The following SPTBN1 variants were observed in gnomAD, a reference collection of about 807,000 sequenced individuals.
The protein encoded by SPTBN1 is spectrin beta, non-erythrocytic 1.
A neutral mutation model predicts 266.4 loss-of-function variants in SPTBN1; 32 were observed. The ratio of observed to expected loss-of-function variants is 0.12; its 90% confidence interval spans 0.09 to 0.16. SPTBN1 has a LOEUF of 0.16. Ranked by LOEUF, SPTBN1 falls within the 10% of genes least tolerant of loss-of-function variation. The pLI is 1.00. For missense variants in SPTBN1, 2,296 were observed against 3,067.1 expected, an observed-to-expected ratio of 0.75 and a Z score of 5.94; for synonymous variants, 1,336 against 1,162.2, an observed-to-expected ratio of 1.15 and a Z score of -3.04.
chr2:54,595,963 A>G (rs1162260624), intron 2 of SPTBN1, among the ~76,000 whole-genome samples: 1 of 151,912 alleles, frequency 6.6e-6, no homozygotes, highest in East Asian at 1.9e-4. Context: ...TTGGGTCTAA[A>G]TAACCAAACC....
At chr2:54,557,254 G>A (rs1391607366) in intron 2 of SPTBN1, among the ~76,000 whole-genome samples, 1 of 152,134 alleles carries the variant, frequency 6.6e-6, no homozygotes, top group Non-Finnish European at 1.5e-5. Context: ...TGAACCTGGG[G>A]TGGGGGACCA....
intron 3 of SPTBN1, among the ~76,000 whole-genome samples, chr2:54,606,007 C>A (rs1002627061): frequency 6.6e-6 from 1 of 152,146 alleles, no homozygotes; most frequent in Non-Finnish European, 1.5e-5. Context: ...ACACCCTGGA[C>A]CCCATGTTCA....
At chr2:54,573,309 G>C (rs998792090) in intron 2 of SPTBN1, among the ~76,000 whole-genome samples, 1 of 152,190 alleles carries the variant, frequency 6.6e-6, no homozygotes, top group Non-Finnish European at 1.5e-5. Flanking sequence ...GTTTCGTGAT[G>C]AAACTCTTCC....
At chr2:54,535,811 T>G (rs541096180) in intron 2 of SPTBN1, among the ~76,000 whole-genome samples, 1 of 152,278 alleles carries the variant, frequency 6.6e-6, no homozygotes, top group African/African-American at 2.4e-5. Context: ...CAGGAGTTCA[T>G]GACCAGCCTG....
At chr2:54,559,953 A>C (rs1673173312) in intron 2 of SPTBN1, among the ~76,000 whole-genome samples, 1 of 152,158 alleles carries the variant, frequency 6.6e-6, no homozygotes, top group Admixed American at 6.5e-5. Flanking sequence ...CTTGTGAAAT[A>C]GTTGACAGTA....
Position 54,667,765 on chromosome 2 carries a change from T to C in SPTBN1, c.6876+119T>C, listed in dbSNP as rs192150208. Reference sequence around the variant, plus strand: ...GATGATCAGTGATGGTTTCTATCACTGGGCTCCAGTCACCAGCACTAGAAG... The same window carrying C: ...GATGATCAGTGATGGTTTCTATCACCGGGCTCCAGTCACCAGCACTAGAAG... On this transcript the variant is annotated intron_variant, in intron 35 of 35. Coordinates refer to ENST00000356805, the MANE Select transcript of SPTBN1 (RefSeq NM_003128.3). 4.7e-4 allele frequency: 414 copies of C among 886,914 alleles called. No individual in the cohort carries two copies. In the African/African-American group the frequency reaches 6.4e-3, roughly 14 times the overall value. The allele number at this position is 886,914 out of a possible 1,614,324, so 54.9% of individuals were successfully genotyped here.
At chr2:54,643,829 C>T (rs1013877957) in intron 19 of SPTBN1, among the ~76,000 whole-genome samples, 2 of 152,022 alleles carry the variant, frequency 1.3e-5, no homozygotes, top group Non-Finnish European at 1.5e-5. Flanking sequence ...ATGAAGCATA[C>T]AAAAATAGCC....
At chr2:54,518,507 C>A (rs887086238) in intron 1 of SPTBN1, among the ~76,000 whole-genome samples, 2 of 148,716 alleles carry the variant, frequency 1.3e-5, no homozygotes, top group African/African-American at 2.5e-5. Flanking sequence ...TTTTTGGCAA[C>A]TGAACAGTTG....
chr2:54,645,004 A>T lies in SPTBN1; in HGVS notation c.4270-225A>T, dbSNP rs1026858483. On this transcript the variant is annotated intron_variant, in intron 20 of 35. Coordinates refer to ENST00000356805, the MANE Select transcript of SPTBN1 (RefSeq NM_003128.3). This position sits in a 1 kb window ranked among gnomAD's most constrained non-coding sequence, Gnocchi z 4.3. ...TTATAGGTAATAAAAATAACTGTTT[A>T]TATTATATCACCGTAGAGGGCTTTA... Among the ~76,000 whole-genome samples the T allele has an allele frequency of 6.6e-6, 1 of 152,258 alleles. No individual in the cohort carries two copies. Among genetic ancestry groups the T allele is most frequent in the African/African-American group, 2.4e-5 (1 of 41,464 alleles).
rs1410538526 is a variant in SPTBN1, at chr2:54,487,455, G to T, written c.-48+30937G>T. Among the ~76,000 whole-genome samples the T allele has an allele frequency of 2.0e-5, 3 of 152,128 alleles. No individual in the cohort carries two copies. The East Asian group carries it at 5.8e-4, about 29-fold the overall frequency. On this transcript the variant is annotated intron_variant, in intron 1 of 35. Coordinates refer to ENST00000356805, the MANE Select transcript of SPTBN1 (RefSeq NM_003128.3). ...GCAGAGTAATGATGATTCAATAAAT[G>T]TAGATCTATTTTGCATATTTGCACA... is the stretch of plus-strand genomic sequence containing the variant.
rs1681668291 is a variant in SPTBN1, at chr2:54,671,085, A to G, written c.*2516A>G. The G allele has an allele frequency of 3.1e-6, 1 of 324,802 alleles. No homozygotes were observed. Among genetic ancestry groups the G allele is most frequent in the South Asian group, 1.6e-4 (1 of 6,434 alleles). The allele number at this position is 324,802 out of a possible 1,614,324, so 20.1% of individuals were successfully genotyped here. A position where few individuals can be genotyped will look rare whatever the true frequency, so the allele number is the denominator to read the frequency against. On this transcript the variant is annotated 3_prime_UTR_variant, in exon 36 of 36. Transcript: ENST00000356805. ...TGGGTGACAATACTGGCCCCTCCATAAATCTGAAGAGTAAGAAGTAGTGAA... is the reference window on the plus strand; with the variant it reads ...TGGGTGACAATACTGGCCCCTCCATGAATCTGAAGAGTAAGAAGTAGTGAA...
At chr2:54,606,354 G>C (rs1676839396) in intron 3 of SPTBN1, among the ~76,000 whole-genome samples, 1 of 152,174 alleles carries the variant, frequency 6.6e-6, no homozygotes, top group African/African-American at 2.4e-5. Context: ...GCTGCAGTTA[G>C]AAGTTTCTGT....
chr2:54,604,805 G>A (rs941141294), intron 3 of SPTBN1, among the ~76,000 whole-genome samples: 1 of 152,124 alleles, frequency 6.6e-6, no homozygotes, highest in South Asian at 2.1e-4. Context: ...AGGAATCCAC[G>A]GACTGTAGTG....
At chr2:54,473,420 A>C (rs1259442550) in intron 1 of SPTBN1, among the ~76,000 whole-genome samples, 4 of 152,170 alleles carry the variant, frequency 2.6e-5, no homozygotes, top group African/African-American at 9.7e-5. Context: ...GCCATGTTGG[A>C]AAATTTCTTT....
chr2:54,643,276 T>TACGG, intron 19 of SPTBN1, 147 bp downstream of exon 19: 1 of 1,233,334 alleles, frequency 8.1e-7, no homozygotes, highest in African/African-American at 1.5e-5. Context: ...CCTTTGCACG[T>TACGG]ACGGGTTCCT....
Position 54,632,547 on chromosome 2 carries a change from G to A in SPTBN1, c.3565-19G>A. 2 of 1,613,004 alleles carry A rather than the reference G, an allele frequency of 1.2e-6. No individual in the cohort carries two copies. Among genetic ancestry groups the A allele is most frequent in the Non-Finnish European group, 1.7e-6 (2 of 1,178,978 alleles). Reference sequence around the variant, plus strand: ...ATCCTTCATTGATCTGCTATGATTTGTTCCTCTTTTTAAATAAGGAGTATG... The same window carrying A: ...ATCCTTCATTGATCTGCTATGATTTATTCCTCTTTTTAAATAAGGAGTATG... On this transcript the variant is annotated intron_variant, in intron 16 of 35. Coordinates refer to ENST00000356805, the MANE Select transcript of SPTBN1 (RefSeq NM_003128.3).
At chr2:54,624,769 T>C (rs1678218247) in intron 10 of SPTBN1, 35 bp from the exon 11 acceptor site, 1 of 1,613,274 alleles carries the variant, frequency 6.2e-7, no homozygotes, top group Non-Finnish European at 8.5e-7. Context: ...TGCAGGAAAC[T>C]GTGTTTGTGT....
Position 54,668,733 on chromosome 2 carries a change from A to C in SPTBN1, c.*164A>C. 2 of 627,772 alleles carry C rather than the reference A, an allele frequency of 3.2e-6. No individual in the cohort carries two copies. Among genetic ancestry groups the C allele is most frequent in the Non-Finnish European group, 5.3e-6 (2 of 378,700 alleles). The allele number at this position is 627,772 out of a possible 1,614,324, so 38.9% of individuals were successfully genotyped here. On this transcript the variant is annotated 3_prime_UTR_variant, in exon 36 of 36. Coordinates refer to ENST00000356805, the MANE Select transcript of SPTBN1 (RefSeq NM_003128.3). ...ATTTCGGGGGGGGTGGGGGAAACAC[A>C]CCTAAACACTTTATCTCCAAGTTAC...
intron 32 of SPTBN1, chr2:54,662,067 G>A (rs899038808): frequency 1.4e-5 from 14 of 985,262 alleles, no homozygotes; most frequent in African/African-American, 1.4e-4. Flanking sequence ...GCTACTAGTT[G>A]TCACGTTGCA....
Sources: gnomAD v4.1 joint callset for allele counts (sites outside exome capture counted in the v4.1 genomes callset) on GRCh38, gnomAD v4.1.1 for gene constraint, Gnocchi (gnomAD v3.1) non-coding constraint, MANE v1.5 for transcripts, NCBI Gene and HGNC (gene_info 2026-07-23, HGNC 2026-07-21) for gene names.